The following SPINK9 variants were observed in gnomAD, a reference collection of about 807,000 sequenced individuals.
SPINK9 encodes the protein serine protease inhibitor Kazal-type 9.
A neutral mutation model predicts 10.8 loss-of-function variants in SPINK9; 3 were observed. The observed-to-expected ratio is 0.28, with a 90% confidence interval of 0.13 to 0.72. The LOEUF is 0.72. SPINK9 is among the 30% of genes least tolerant of loss of function. The probability of loss-of-function intolerance (pLI) is 0.74; values close to 1 mark genes in which losing one functional copy is unlikely to be tolerated. For missense variants in SPINK9, 101 were observed against 103.2 expected, an observed-to-expected ratio of 0.98 and a Z score of 0.09; for synonymous variants, 30 against 31.2, an observed-to-expected ratio of 0.96 and a Z score of 0.12.
At chr5:148,327,744 A>C (rs1757084756) in intron 2 of SPINK9, among the ~76,000 whole-genome samples, 1 of 151,298 alleles carries the variant, frequency 6.6e-6, no homozygotes, top group Non-Finnish European at 1.5e-5. Context: ...TTTTCCCAGC[A>C]CCATTTATTA....
At chr5:148,333,301 G>A (rs759285137), upstream of SPINK9, among the ~76,000 whole-genome samples, 1 of 152,150 alleles carries the variant, frequency 6.6e-6, no homozygotes, top group Non-Finnish European at 1.5e-5. Context: ...CCAAAATTGC[G>A]GCTTAGCCAA....
upstream of SPINK9, among the ~76,000 whole-genome samples, chr5:148,332,792 T>A (rs1280767216): frequency 6.6e-6 from 1 of 152,172 alleles, no homozygotes; most frequent in Non-Finnish European, 1.5e-5. Context: ...CACATTAACT[T>A]GGATTTTTCT....
intron 2 of SPINK9, among the ~76,000 whole-genome samples, chr5:148,326,870 T>C (rs1402000630): frequency 2.6e-5 from 4 of 152,086 alleles, no homozygotes; most frequent in Non-Finnish European, 5.9e-5. Context: ...TGCATAGTAT[T>C]CCATGGTGTA....
chr5:148,324,318 G>T (rs2161430), intron 2 of SPINK9, among the ~76,000 whole-genome samples: 51,445 of 151,874 alleles, frequency 0.34, 9,715 homozygotes, highest in African/African-American at 0.52. Flanking sequence ...AATAGTATGG[G>T]TTTGCAACAT....
chr5:148,337,229 T>C (rs1421502829), intron 2 of SPINK9, among the ~76,000 whole-genome samples: 1 of 152,082 alleles, frequency 6.6e-6, no homozygotes, highest in Non-Finnish European at 1.5e-5. Context: ...TCCCTGGGAT[T>C]TGAGCAGGCA....
At chr5:148,328,605 T>A (rs1424356095) in intron 2 of SPINK9, among the ~76,000 whole-genome samples, 1 of 152,138 alleles carries the variant, frequency 6.6e-6, no homozygotes, top group Non-Finnish European at 1.5e-5. Flanking sequence ...ATGCTTCCAG[T>A]TTTTGCCCAT....
intron 2 of SPINK9, among the ~76,000 whole-genome samples, chr5:148,329,002 A>T (rs143878559): frequency 0.057 from 8,626 of 152,194 alleles, 626 homozygotes; most frequent in African/African-American, 0.16. Context: ...TGGTGTCAGG[A>T]TGATGCTGGC....
chr5:148,324,762 A>G (rs1462144360), intron 2 of SPINK9, among the ~76,000 whole-genome samples: 1 of 151,950 alleles, frequency 6.6e-6, no homozygotes, highest in Non-Finnish European at 1.5e-5. Flanking sequence ...CATAAAATTC[A>G]TGGCTTTTTG....
upstream of SPINK9, chr5:148,335,511 G>A (rs1228801270): frequency 2.0e-6 from 2 of 1,010,536 alleles, no homozygotes; most frequent in Non-Finnish European, 3.0e-6. Context: ...TCACAATTGA[G>A]GCAGGAATTC....
At chr5:148,331,761 A>C (rs891127610), upstream of SPINK9, among the ~76,000 whole-genome samples, 1 of 152,252 alleles carries the variant, frequency 6.6e-6, no homozygotes, top group African/African-American at 2.4e-5. Context: ...TTGTCAATTA[A>C]AAATAAAATA....
At chr5:148,325,549 C>A (rs1338766750) in intron 2 of SPINK9, among the ~76,000 whole-genome samples, 4 of 151,992 alleles carry the variant, frequency 2.6e-5, no homozygotes, top group African/African-American at 9.7e-5. Flanking sequence ...TGCTTATTGA[C>A]CTTTTGCATT....
intron 2 of SPINK9, among the ~76,000 whole-genome samples, chr5:148,326,521 A>G (rs552926096): frequency 1.3e-5 from 2 of 152,152 alleles, no homozygotes; most frequent in East Asian, 3.9e-4. Context: ...ATGAATTTTT[A>G]TTATTATTAT....
Position 148,336,461 on chromosome 5 carries a change from C to G in SPINK9, c.87+8C>G, listed in dbSNP as rs751546100. The G allele has an allele frequency of 1.2e-6, 2 of 1,612,954 alleles. No individual in the cohort carries two copies. Among genetic ancestry groups the G allele is most frequent in the South Asian group, 1.1e-5 (1 of 90,990 alleles). Reference sequence around the variant, plus strand: ...AAACAGACGAAACAGATGGTCAGTACACCCATCCTACTTTTATGTAATTTT... The same window carrying G: ...AAACAGACGAAACAGATGGTCAGTAGACCCATCCTACTTTTATGTAATTTT... On this transcript the variant is annotated splice_region_variant and intron_variant, in intron 2 of 3. Coordinates refer to ENST00000377906, the MANE Select transcript of SPINK9 (RefSeq NM_001040433.2).
At position 148,339,772 on chromosome 5, in the gene SPINK9, G is replaced by A. The variant is rs987755698; in HGVS notation, c.*60G>A. On this transcript the variant is annotated 3_prime_UTR_variant, in exon 4 of 4. Transcript: ENST00000377906. The stretch of plus-strand genomic sequence containing the variant: ...ATCTATTCACAAGAGTCACATTTCT[G>A]TTCCCATATTATCTATGCCACATTG... 5 of 1,421,104 alleles carry A rather than the reference G, an allele frequency of 3.5e-6. No homozygotes were observed. The Admixed American group carries it at 6.8e-5, about 19-fold the overall frequency. 88.0% of individuals were successfully genotyped at this position (1,421,104 alleles called of 1,614,324 possible).
Position 148,323,732 on chromosome 5 carries a change from A to C in SPINK9, c.-19A>C, listed in dbSNP as rs192983196. ...TTGAGATTTGTCTCTCTGTGTGATC[A>C]ATCAGCATTTGCATCTTTATGGTCT... is the stretch of plus-strand genomic sequence containing the variant. On this transcript the variant is annotated 5_prime_UTR_variant, in exon 2 of 5. Transcript: ENST00000511717. 426 of 690,698 alleles carry C rather than the reference A, an allele frequency of 6.2e-4. 1 individual carries two copies. In the African/African-American group the frequency reaches 6.6e-3, roughly 11 times the overall value. 42.8% of individuals were successfully genotyped at this position (690,698 alleles called of 1,614,324 possible).
chr5:148,332,575 G>A (rs940164764), upstream of SPINK9, among the ~76,000 whole-genome samples: 1 of 152,156 alleles, frequency 6.6e-6, no homozygotes, highest in African/African-American at 2.4e-5. Context: ...TACATAATGG[G>A]AACTCAAGTT....
chr5:148,327,986 C>T (rs1302211414), intron 2 of SPINK9, among the ~76,000 whole-genome samples: 8 of 149,120 alleles, frequency 5.4e-5, no homozygotes, highest in South Asian at 2.1e-4. Context: ...CTTGGCAATG[C>T]GGGCTCTTTT....
chr5:148,325,806 A>C (rs1473420853), intron 2 of SPINK9, among the ~76,000 whole-genome samples: 1 of 152,106 alleles, frequency 6.6e-6, no homozygotes, highest in Non-Finnish European at 1.5e-5. Context: ...TTGCCTATTC[A>C]AAGGTTACTA....
At chr5:148,324,002 C>A (rs1399933845) in intron 2 of SPINK9, 7 of 468,568 alleles carry the variant, frequency 1.5e-5, no homozygotes. Context: ...TGCAAACATG[C>A]TTTATAAACT....
Sources: allele counts gnomAD v4.1 joint callset (sites outside exome capture counted in the v4.1 genomes callset), GRCh38; gene constraint gnomAD v4.1.1; transcripts MANE v1.5; gene names NCBI Gene and HGNC (gene_info 2026-07-23, HGNC 2026-07-21).